NOVA1: variants seen among roughly 807,000 people sequenced by gnomAD.
NOVA1 encodes RNA-binding protein Nova-1.
In NOVA1, 7 loss-of-function variants were observed where a neutral mutation model predicts 38.0. That is an observed-to-expected ratio of 0.18 (90% CI 0.10 to 0.35). NOVA1 has a LOEUF of 0.35. NOVA1 is among the 10% of genes least tolerant of loss of function. The pLI is 1.00. For synonymous variants in NOVA1, 270 were observed against 232.5 expected (o/e 1.16, Z -1.47); for missense variants, 460 against 616.0 (o/e 0.75, Z 2.68).
chr14:26,595,257 C>T (rs1446822167), intron 2 of NOVA1, among the ~76,000 whole-genome samples, 153 bp downstream of exon 2: 1 of 152,182 alleles, frequency 6.6e-6, no homozygotes, highest in Admixed American at 6.5e-5. Flanking sequence ...TAGAAATAAT[C>T]TGAAAATTTT....
chr14:26,557,245 AAAC>A (rs1211520166), intron 2 of NOVA1, among the ~76,000 whole-genome samples: 4 of 152,232 alleles, frequency 2.6e-5, no homozygotes, highest in Non-Finnish European at 4.4e-5. Flanking sequence ...GTGAAAATTA[AAAC>A]AACAATAAGA....
intron 2 of NOVA1, among the ~76,000 whole-genome samples, chr14:26,568,969 C>T (rs942026300): frequency 3.3e-5 from 5 of 152,070 alleles, no homozygotes; most frequent in South Asian, 4.1e-4. Flanking sequence ...AATCTCAAGC[C>T]AAGAATTTAG....
intron 2 of NOVA1, among the ~76,000 whole-genome samples, chr14:26,515,454 G>A (rs1373631110): frequency 6.6e-6 from 1 of 151,890 alleles, no homozygotes; most frequent in Non-Finnish European, 1.5e-5. Flanking sequence ...GTCGTCAATT[G>A]TCAGGCACAT....
chr14:26,465,370 C>A (rs966872282), intron 4 of NOVA1, among the ~76,000 whole-genome samples: 4 of 152,064 alleles, frequency 2.6e-5, no homozygotes, highest in African/African-American at 9.7e-5. Context: ...AAGGTTTCAC[C>A]ATGTTGGCCA....
intron 4 of NOVA1, among the ~76,000 whole-genome samples, chr14:26,463,067 G>A (rs1336061168): frequency 6.6e-6 from 1 of 152,004 alleles, no homozygotes; most frequent in Non-Finnish European, 1.5e-5. Context: ...AATATTCTAG[G>A]CTAGTTTATG....
At chr14:26,509,065 G>T (rs1887858472) in intron 2 of NOVA1, among the ~76,000 whole-genome samples, 1 of 152,060 alleles carries the variant, frequency 6.6e-6, no homozygotes, top group Non-Finnish European at 1.5e-5. Flanking sequence ...TACCTTGAAA[G>T]AATTTCACCT....
At chr14:26,504,671 T>C (rs1182104277) in intron 2 of NOVA1, among the ~76,000 whole-genome samples, 1 of 152,122 alleles carries the variant, frequency 6.6e-6, no homozygotes, top group Non-Finnish European at 1.5e-5. Flanking sequence ...TTCAGGTCAG[T>C]GACCTTGTAT....
rs528857214 is a variant in NOVA1 at position 26,465,737 on chromosome 14, T to C, written c.519+6583A>G. Among the ~76,000 whole-genome samples, 5 of 152,316 alleles carry C rather than the reference T, an allele frequency of 3.3e-5. No homozygotes were observed. The East Asian group carries it at 9.6e-4, about 29-fold the overall frequency. On this transcript the variant is annotated intron_variant, in intron 4 of 4. Coordinates refer to ENST00000539517, the MANE Select transcript of NOVA1 (RefSeq NM_002515.3). ...TAGAGCATATAGACTTGTAAGCCTA[T>C]TCTTTCAACTAACGCTAGTCATTCA...
intron 2 of NOVA1, among the ~76,000 whole-genome samples, chr14:26,502,149 T>C (rs558217925): frequency 9.2e-5 from 14 of 152,040 alleles, no homozygotes; most frequent in African/African-American, 3.4e-4. Flanking sequence ...CTTCTTTTTT[T>C]TCTCAGCTCT....
At chr14:26,503,873 C>T (rs1389193616) in intron 2 of NOVA1, among the ~76,000 whole-genome samples, 1 of 151,982 alleles carries the variant, frequency 6.6e-6, no homozygotes, top group African/African-American at 2.4e-5. Context: ...CATAACAGAA[C>T]AACAGGCACA....
intron 2 of NOVA1, among the ~76,000 whole-genome samples, chr14:26,533,746 G>C (rs1020878189): frequency 2.6e-5 from 4 of 152,118 alleles, no homozygotes; most frequent in African/African-American, 4.8e-5. Context: ...CTGAGATTAA[G>C]AATCCTAGGA....
chr14:26,461,755 C>T (rs1194055966), intron 4 of NOVA1, among the ~76,000 whole-genome samples: 2 of 134,806 alleles, frequency 1.5e-5, no homozygotes, highest in African/African-American at 5.4e-5. Context: ...ATGGAGAAAG[C>T]CCATCTTTAC....
At chr14:26,557,714 A>C (rs1594531363) in intron 2 of NOVA1, among the ~76,000 whole-genome samples, 1 of 152,172 alleles carries the variant, frequency 6.6e-6, no homozygotes, top group South Asian at 2.1e-4. Context: ...GTTTCTTACA[A>C]AACTAAGCAT....
chr14:26,514,970 T>C (rs1888360065), intron 2 of NOVA1, among the ~76,000 whole-genome samples: 1 of 151,904 alleles, frequency 6.6e-6, no homozygotes, highest in Admixed American at 6.6e-5. Context: ...TATTTTAATA[T>C]TTATCTTTTT....
At chr14:26,527,893 C>T (rs1889418031) in intron 2 of NOVA1, among the ~76,000 whole-genome samples, 1 of 152,152 alleles carries the variant, frequency 6.6e-6, no homozygotes, top group African/African-American at 2.4e-5. Flanking sequence ...CCCATATCAT[C>T]TTCAGGCAAG....
chr14:26,569,007 C>T lies in NOVA1; in HGVS notation c.280+26403G>A, dbSNP rs369257686. 5.3e-5 allele frequency among the ~76,000 whole-genome samples: 8 copies of T among 152,188 alleles called. No homozygotes were observed. In the East Asian group the frequency reaches 9.7e-4, roughly 18 times the overall value. On this transcript the variant is annotated intron_variant, in intron 2 of 4. Transcript: ENST00000539517. ...TCAAGTTGTTCCCAACTATAAATGA[C>T]AACTAAACGCAAAGCCAAGCCACTC...
At chr14:26,459,132 G>C (rs1198953269) in intron 4 of NOVA1, among the ~76,000 whole-genome samples, 1 of 152,010 alleles carries the variant, frequency 6.6e-6, no homozygotes, top group African/African-American at 2.4e-5. Flanking sequence ...AGCTCTGGGT[G>C]AATGAACAGA....
At chr14:26,516,539 G>C (rs1044246361) in intron 2 of NOVA1, among the ~76,000 whole-genome samples, 23 of 152,080 alleles carry the variant, frequency 1.5e-4, no homozygotes, top group African/African-American at 5.6e-4. Context: ...TGATTTTTGA[G>C]AACAGTGTCA....
rs548493488 is a variant in NOVA1, at chr14:26,527,208, A to G, written c.281-47065T>C. ...TATATTTTCAATGACTGATACCAGG[A>G]GTCAATGGGCTAGCTGTGTGGTCTG... On this transcript the variant is annotated intron_variant, in intron 2 of 4. Coordinates refer to ENST00000539517, the MANE Select transcript of NOVA1 (RefSeq NM_002515.3). Among the ~76,000 whole-genome samples, 3 of 103,950 alleles carry G rather than the reference A, an allele frequency of 2.9e-5. No homozygotes were observed. In the South Asian group the frequency reaches 8.2e-4, roughly 28 times the overall value. The allele number at this position is 103,950 out of a possible 152,430, so 68.2% of individuals were successfully genotyped here. A position where few individuals can be genotyped will look rare whatever the true frequency, so the allele number is the denominator to read the frequency against.
Sources: allele counts gnomAD v4.1 joint callset (sites outside exome capture counted in the v4.1 genomes callset), GRCh38; gene constraint gnomAD v4.1.1; transcripts MANE v1.5; gene names NCBI Gene and HGNC (gene_info 2026-07-23, HGNC 2026-07-21).